Variants in DRICH1 observed in about 807,000 individuals in gnomAD.
DRICH1 encodes aspartate-rich protein 1.
Under a neutral mutation model 39.5 loss-of-function variants are expected in DRICH1, and 38 were observed. The observed-to-expected ratio is 0.96, with a 90% CI of 0.74 to 1.26. The LOEUF is 1.26. DRICH1 is among the 50% of genes most tolerant of loss of function. DRICH1 has a pLI of 0.00. For missense variants in DRICH1, 279 were observed against 270.4 expected, an observed-to-expected ratio of 1.03 and a Z score of -0.22; for synonymous variants, 84 against 99.5, an observed-to-expected ratio of 0.84 and a Z score of 0.93.
At chr22:23,589,922 C>G in the DRICH1 span, among the ~76,000 whole-genome samples, 2 of 152,246 alleles carry the variant, frequency 1.3e-5, no homozygotes, top group African/African-American at 4.8e-5. Flanking sequence ...GCTCTCAGTG[C>G]TCCAGACATA....
chr22:23,618,672 G>A (rs116613501), intron 6 of DRICH1, among the ~76,000 whole-genome samples: 3 of 152,002 alleles, frequency 2.0e-5, no homozygotes, highest in African/African-American at 7.2e-5. Context: ...AGCTGAGAGA[G>A]GTGACTCTGA....
At chr22:23,621,902 C>A (rs1420758528) in intron 4 of DRICH1, among the ~76,000 whole-genome samples, 189 bp downstream of exon 4, 1 of 150,478 alleles carries the variant, frequency 6.6e-6, no homozygotes, top group Non-Finnish European at 1.5e-5. Flanking sequence ...GACTCTGTCT[C>A]AAACAAAAAC....
chr22:23,609,319 G>A (rs928163489), intron 11 of DRICH1, among the ~76,000 whole-genome samples: 3 of 152,192 alleles, frequency 2.0e-5, no homozygotes, highest in African/African-American at 7.2e-5. Flanking sequence ...AAAGTGGGGC[G>A]AGTAATTGTG....
chr22:23,619,003 C>T (rs1927547841), intron 6 of DRICH1, among the ~76,000 whole-genome samples: 3 of 151,936 alleles, frequency 2.0e-5, no homozygotes, highest in Non-Finnish European at 2.9e-5. Context: ...AAAACCACGT[C>T]TCTACTAAAT....
intron 11 of DRICH1, among the ~76,000 whole-genome samples, chr22:23,612,465 T>TA (rs1927091417): frequency 4.5e-5 from 2 of 44,304 alleles, no homozygotes; most frequent in African/African-American, 1.0e-4. Context: ...AGACTCCATC[T>TA]CAAAAAAAAA....
intron 9 of DRICH1, among the ~76,000 whole-genome samples, 182 bp from the exon 10 acceptor site, chr22:23,613,842 G>C (rs1286086505): frequency 1.3e-5 from 2 of 152,164 alleles, no homozygotes; most frequent in Non-Finnish European, 2.9e-5. Context: ...TCTATTTGTA[G>C]AATTTACCTT....
At chr22:23,609,443 A>G (rs10428020) in intron 11 of DRICH1, among the ~76,000 whole-genome samples, 9,556 of 152,244 alleles carry the variant, frequency 0.063, 997 homozygotes, top group African/African-American at 0.22. Flanking sequence ...GAGGAGACCC[A>G]TCAGCAGGCA....
chr22:23,613,582 T>C (rs1459810600), intron 10 of DRICH1, 57 bp downstream of exon 10: 2 of 1,381,700 alleles, frequency 1.4e-6, no homozygotes, highest in East Asian at 4.6e-5. Context: ...CAGGTTTCTA[T>C]ACACTGAAGC....
At position 23,620,602 on chromosome 22, in the gene DRICH1, C is replaced by T. The variant is rs75567718; in HGVS notation, c.398G>A (p.Arg133His). ...TAGTTCAAGGTACATACCCTGGACA[C>T]GTGACGGTAAAATCTGCAACGAGAC... ...DDDDAQILPS[R>H]VQGGCYRFDS... Residue 133 changes from arginine (R) to histidine (H), a missense_variant, in exon 5 of 12, where the codon CGT (arginine) becomes CAT (histidine). Physicochemically the swap from Arg to His is conservative, Grantham distance 29. Coordinates refer to ENST00000317749, the MANE Select transcript of DRICH1 (RefSeq NM_016449.4). The T allele has an allele frequency of 2.4e-3, 3,833 of 1,613,878 alleles. 73 individuals are homozygous for T. In the African/African-American group the frequency reaches 0.042, roughly 18 times the overall value.
downstream of DRICH1, among the ~76,000 whole-genome samples, chr22:23,603,574 C>T (rs554513524): frequency 3.3e-5 from 5 of 152,296 alleles, no homozygotes; most frequent in South Asian, 1.0e-3. Context: ...TCAGCCTCTC[C>T]CTCCGTGTCC....
chr22:23,590,941 A>G, the DRICH1 span, among the ~76,000 whole-genome samples: 6 of 152,140 alleles, frequency 3.9e-5, no homozygotes, highest in Admixed American at 2.0e-4. Flanking sequence ...TGTTCTTTAT[A>G]GCCTGGCATA....
chr22:23,624,937 T>G (rs377525325), intron 2 of DRICH1, 33 bp from the exon 3 acceptor site: 14 of 1,609,638 alleles, frequency 8.7e-6, no homozygotes, highest in Non-Finnish European at 1.1e-5. Context: ...GCTATGAGGA[T>G]CAGATCAATT....
the DRICH1 span, among the ~76,000 whole-genome samples, chr22:23,586,837 G>A: frequency 2.0e-3 from 301 of 152,252 alleles, no homozygotes; most frequent in Middle Eastern, 0.014. Context: ...GAGCCACTGC[G>A]TCCAGCCGAA....
chr22:23,622,164 T>A lies in DRICH1; in HGVS notation c.311A>T (p.Asp104Val). 1 of 1,614,090 alleles carries A rather than the reference T, an allele frequency of 6.2e-7. No homozygotes were observed. The highest frequency in any genetic ancestry group is 2.2e-5 in the East Asian group (1 of 44,870). ...TGGTAGGCATACTAAACTCAGGTTG[T>A]CCTCAGAAGAACCTGGAAGGACACA... ...LPSPVQGSSE[D>V]NLSLVCLPRS... The change falls in exon 4 of 12, where the codon GAC (aspartate) becomes GTC (valine). Residue 104 changes from aspartate (D) to valine (V), a missense_variant. By Grantham distance (152) the Asp-to-Val change is radical (BLOSUM62 -3). Coordinates refer to ENST00000317749, the MANE Select transcript of DRICH1 (RefSeq NM_016449.4).
At chr22:23,592,373 T>C in the DRICH1 span, among the ~76,000 whole-genome samples, 2 of 144,716 alleles carry the variant, frequency 1.4e-5, no homozygotes, top group African/African-American at 5.1e-5. Flanking sequence ...TGGCATCCAG[T>C]GATATCAAGG....
At chr22:23,584,783 A>G in the DRICH1 span, among the ~76,000 whole-genome samples, 1,245 of 152,262 alleles carry the variant, frequency 8.2e-3, 6 homozygotes, top group Non-Finnish European at 0.014. Context: ...CATTTCACAA[A>G]CTTGTGAAAA....
chr22:23,614,491 G>A (rs1927235981), intron 8 of DRICH1, among the ~76,000 whole-genome samples: 1 of 152,206 alleles, frequency 6.6e-6, no homozygotes, highest in Non-Finnish European at 1.5e-5. Flanking sequence ...GTCAGTGGAA[G>A]AGTGCCTTCC....
chr22:23,582,859 C>G, the DRICH1 span, among the ~76,000 whole-genome samples: 1 of 151,444 alleles, frequency 6.6e-6, no homozygotes. Context: ...TCGTGCCCGG[C>G]CAATTATCAT....
At chr22:23,609,881 T>C (rs1327655602) in intron 11 of DRICH1, among the ~76,000 whole-genome samples, 2 of 152,104 alleles carry the variant, frequency 1.3e-5, no homozygotes, top group Non-Finnish European at 2.9e-5. Flanking sequence ...GAACATTCTT[T>C]CCTTTCTTGC....
Sources: gnomAD v4.1 joint callset for allele counts (sites outside exome capture counted in the v4.1 genomes callset) on GRCh38, gnomAD v4.1.1 for gene constraint, MANE v1.5 for transcripts, NCBI Gene and HGNC (gene_info 2026-07-23, HGNC 2026-07-21) for gene names.